Variants in ZIM2 observed in about 807,000 individuals in gnomAD.
The protein encoded by ZIM2 is zinc finger protein 656.
Under a neutral mutation model 38.6 loss-of-function variants are expected in ZIM2, and 14 were observed. That is an observed-to-expected ratio of 0.36 (90% confidence interval 0.24 to 0.57). The LOEUF is 0.57. Among genes scored for constraint, ZIM2 ranks in the 20% least tolerant of loss-of-function variants. The pLI is 0.81. For missense variants in ZIM2, 680 were observed against 695.1 expected, an observed-to-expected ratio of 0.98 and a Z score of 0.24; for synonymous variants, 247 against 245.8, an observed-to-expected ratio of 1.00 and a Z score of -0.04.
intron 1 of ZIM2, among the ~76,000 whole-genome samples, chr19:56,838,895 G>T (rs982858172): frequency 6.6e-6 from 1 of 152,124 alleles, no homozygotes. Flanking sequence ...AACCGCAGCC[G>T]CCCCGATCAA....
intron 9 of ZIM2, chr19:56,816,219 A>C: frequency 6.2e-7 from 1 of 1,614,134 alleles, no homozygotes; most frequent in Non-Finnish European, 8.5e-7. Context: ...CATCACTTTC[A>C]AGAGGTCTTG....
intron 10 of ZIM2, among the ~76,000 whole-genome samples, chr19:56,783,290 T>A (rs566924949): frequency 6.6e-6 from 1 of 152,294 alleles, no homozygotes; most frequent in African/African-American, 2.4e-5. Context: ...TAAGGTTGAA[T>A]TTAAAAGGCA....
At chr19:56,817,709 T>C in intron 9 of ZIM2, 37 bp downstream of exon 9, 2 of 1,583,592 alleles carry the variant, frequency 1.3e-6, no homozygotes, top group Non-Finnish European at 1.7e-6. Context: ...ATCTCACTGG[T>C]TGTGTGGCTC....
At chr19:56,838,047 T>G (rs897131562) in intron 1 of ZIM2, among the ~76,000 whole-genome samples, 3 of 152,176 alleles carry the variant, frequency 2.0e-5, no homozygotes, top group African/African-American at 7.2e-5. Flanking sequence ...CAGCTGTCAT[T>G]CAGGATGGCA....
chr19:56,827,135 G>T (rs184970765), intron 2 of ZIM2, among the ~76,000 whole-genome samples: 1 of 152,112 alleles, frequency 6.6e-6, no homozygotes, highest in African/African-American at 2.4e-5. Context: ...AATATTTACC[G>T]TGTTATAAAA....
In ZIM2 at chr19:56,836,033, T is replaced by C. The variant is rs750773551; in HGVS notation, c.-242A>G. On this transcript the variant is annotated 5_prime_UTR_variant, in exon 2 of 13. Coordinates refer to ENST00000629319, the MANE Select transcript of ZIM2 (RefSeq NM_001387356.1). Reference sequence around the variant, plus strand: ...TTCAACTCACCTGGACCCAGCCACCTAGCGTTTGGACCTAGTCCCTCTTCC... The same window carrying C: ...TTCAACTCACCTGGACCCAGCCACCCAGCGTTTGGACCTAGTCCCTCTTCC... 1 of 511,960 alleles carries C rather than the reference T, an allele frequency of 2.0e-6. No individual in the cohort carries two copies. Among genetic ancestry groups the C allele is most frequent in the Non-Finnish European group, 3.9e-6 (1 of 256,744 alleles). The allele number at this position is 511,960 out of a possible 1,614,324, so 31.7% of individuals were successfully genotyped here. A position where few individuals can be genotyped will look rare whatever the true frequency, so the allele number is the denominator to read the frequency against.
chr19:56,836,959 G>A (rs1443711447), intron 1 of ZIM2, among the ~76,000 whole-genome samples: 4 of 122,690 alleles, frequency 3.3e-5, no homozygotes, highest in African/African-American at 1.3e-4. Flanking sequence ...GAGAGGGCCA[G>A]ACTCTGTCTC....
chr19:56,801,501 C>T (rs1479636685), intron 9 of ZIM2, among the ~76,000 whole-genome samples: 1 of 152,172 alleles, frequency 6.6e-6, no homozygotes, highest in Non-Finnish European at 1.5e-5. Context: ...CCCTTCACAA[C>T]TTCAGAGCTT....
chr19:56,834,175 G>A (rs1185966949), intron 2 of ZIM2, among the ~76,000 whole-genome samples: 3 of 152,004 alleles, frequency 2.0e-5, no homozygotes, highest in East Asian at 1.9e-4. Context: ...TTAAGGGGAG[G>A]GAGTACTAAA....
chr19:56,813,581 TC>T, intron 9 of ZIM2: 1 of 1,484,206 alleles, frequency 6.7e-7, no homozygotes. Context: ...AGGTTAAGTC[TC>T]CTACTGACAT....
chr19:56,823,962 TAGG>T (rs1217125752), intron 4 of ZIM2, among the ~76,000 whole-genome samples: 1 of 152,068 alleles, frequency 6.6e-6, no homozygotes, highest in East Asian at 1.9e-4. Flanking sequence ...GCAGGAGCCA[TAGG>T]AGGTTTTCTC....
At chr19:56,787,960 T>A (rs1360600558) in intron 10 of ZIM2, among the ~76,000 whole-genome samples, 1 of 152,080 alleles carries the variant, frequency 6.6e-6, no homozygotes, top group Non-Finnish European at 1.5e-5. Flanking sequence ...TCTTTTTGAT[T>A]TTTTATTGTG....
At chr19:56,802,089 G>A (rs1194695681) in intron 9 of ZIM2, among the ~76,000 whole-genome samples, 1 of 152,208 alleles carries the variant, frequency 6.6e-6, no homozygotes, top group Non-Finnish European at 1.5e-5. Flanking sequence ...TGTCTGAAGG[G>A]AGGGGGAAGA....
intron 2 of ZIM2, chr19:56,833,881 T>C (rs1440944250): frequency 1.3e-5 from 2 of 152,700 alleles, no homozygotes; most frequent in South Asian, 2.1e-4. Context: ...CTCTGGTCTG[T>C]TGGCTGGCTT....
At chr19:56,829,643 G>A (rs1014981846) in intron 2 of ZIM2, among the ~76,000 whole-genome samples, 2 of 152,224 alleles carry the variant, frequency 1.3e-5, no homozygotes, top group African/African-American at 2.4e-5. Flanking sequence ...TGGGCCATAT[G>A]CAATGAGGTT....
chr19:56,783,195 T>G lies in ZIM2; in HGVS notation c.571-1074A>C, dbSNP rs146263368. 1.3e-3 allele frequency among the ~76,000 whole-genome samples: 199 copies of G among 152,264 alleles called. 1 individual carries two copies. Among genetic ancestry groups the G allele is most frequent in the Middle Eastern group, 6.8e-3 (2 of 294 alleles). On this transcript the variant is annotated intron_variant, in intron 10 of 12. Coordinates refer to ENST00000629319, the MANE Select transcript of ZIM2 (RefSeq NM_001387356.1). Reference sequence around the variant, plus strand: ...AAACATTCATTAACAGTAGAAGAGATAAATATAGTATAGCCATACAATGAA... The same window carrying G: ...AAACATTCATTAACAGTAGAAGAGAGAAATATAGTATAGCCATACAATGAA...
chr19:56,802,643 C>T (rs867677469), intron 9 of ZIM2, among the ~76,000 whole-genome samples: 1 of 152,318 alleles, frequency 6.6e-6, no homozygotes, highest in Middle Eastern at 3.4e-3. Flanking sequence ...TAAAAGATGA[C>T]TTTTTCTGCA....
intron 9 of ZIM2, among the ~76,000 whole-genome samples, chr19:56,791,712 A>G (rs1252009331): frequency 6.6e-6 from 1 of 152,132 alleles, no homozygotes; most frequent in Non-Finnish European, 1.5e-5. Flanking sequence ...CCCTTGCTAT[A>G]TATATGCCCC....
chr19:56,822,443 C>T (rs920751734), intron 6 of ZIM2: 7 of 318,688 alleles, frequency 2.2e-5, no homozygotes, highest in Non-Finnish European at 4.0e-5. Flanking sequence ...TATGGCACTT[C>T]ATACTAGTTT....
Sources: gnomAD v4.1 joint callset for allele counts (sites outside exome capture counted in the v4.1 genomes callset) on GRCh38, gnomAD v4.1.1 for gene constraint, MANE v1.5 for transcripts, NCBI Gene and HGNC (gene_info 2026-07-23, HGNC 2026-07-21) for gene names.